Variants in DDX4 observed in about 807,000 individuals in gnomAD.
DDX4 encodes DEAD-box helicase 4.
Under a neutral mutation model 100.0 loss-of-function variants are expected in DDX4, and 25 were observed. The observed-to-expected ratio is 0.25, with a 90% confidence interval of 0.18 to 0.35. The LOEUF is 0.35. DDX4 is among the 10% of genes least tolerant of loss of function. The pLI, the probability that DDX4 is intolerant of heterozygous loss-of-function variation, is 1.00. For missense variants in DDX4, 635 were observed against 882.4 expected (o/e 0.72, Z 3.55); for synonymous variants, 259 against 275.7 (o/e 0.94, Z 0.60).
intron 3 of DDX4, among the ~76,000 whole-genome samples, chr5:55,751,126 A>G (rs1759525122): frequency 6.6e-6 from 1 of 152,252 alleles, no homozygotes; most frequent in Admixed American, 6.5e-5. Context: ...TTATACTCCC[A>G]TCATTAGGAT....
Position 55,767,902 on chromosome 5 carries a change from A to G in DDX4, c.356A>G (p.Asp119Gly), listed in dbSNP as rs781432280. 2 of 1,613,998 alleles carry G rather than the reference A, an allele frequency of 1.2e-6. No homozygotes were observed. Among genetic ancestry groups the G allele is most frequent in the African/African-American group, 1.3e-5 (1 of 75,068 alleles). Residue 119 changes from aspartate to glycine, a missense_variant, in exon 7 of 22, where the codon GAT becomes GGT. Transcript: ENST00000505374. ...FWRESSNDCE[D>G]NPTRNRGFSK... ...GAAGAGTCTAGTAATGACTGCGAAG[A>G]TAATCCAACACGGAACAGAGGGTTT... is the stretch of plus-strand genomic sequence containing the variant.
At chr5:55,789,802 A>G (rs3842913) in intron 15 of DDX4, among the ~76,000 whole-genome samples, 147,682 of 152,294 alleles carry the variant, frequency 0.97, 71,646 homozygotes, top group East Asian at 1. Flanking sequence ...GGCCAGCCTT[A>G]CCCACACTGA....
chr5:55,778,842 C>T (rs552270911), intron 7 of DDX4, among the ~76,000 whole-genome samples: 2 of 150,988 alleles, frequency 1.3e-5, no homozygotes, highest in African/African-American at 4.9e-5. Flanking sequence ...TGCAGTGAGC[C>T]GAGATGATGC....
At chr5:55,762,221 T>C (rs1003699802) in intron 4 of DDX4, among the ~76,000 whole-genome samples, 2 of 152,206 alleles carry the variant, frequency 1.3e-5, no homozygotes, top group Admixed American at 1.3e-4. Context: ...AATTTTTTTC[T>C]CAGTGATAGT....
chr5:55,815,769 CT>C (rs1744361646), intron 21 of DDX4, among the ~76,000 whole-genome samples: 1 of 131,622 alleles, frequency 7.6e-6, no homozygotes. Context: ...TTTTCTTTTT[CT>C]TTTCTTTTTT....
rs941096161 is a variant in DDX4 at position 55,774,206 on chromosome 5, C to T, written c.395-5758C>T. 3.3e-5 allele frequency among the ~76,000 whole-genome samples: 5 copies of T among 151,098 alleles called. No homozygotes were observed. The South Asian group carries it at 1.0e-3, about 32-fold the overall frequency. ...GCTCTGTCACCCAGACTCTGGGGTG[C>T]AGTGGCACAGTCATGGTTCATGACA... On this transcript the variant is annotated intron_variant, in intron 7 of 21. Coordinates refer to ENST00000505374, the MANE Select transcript of DDX4 (RefSeq NM_024415.3).
chr5:55,740,814 C>G (rs1758939074), intron 2 of DDX4, among the ~76,000 whole-genome samples: 2 of 152,104 alleles, frequency 1.3e-5, no homozygotes, highest in African/African-American at 4.8e-5. Flanking sequence ...GCCACCACAC[C>G]CAGCCATATA....
chr5:55,804,113 A>C (rs1345184808), intron 18 of DDX4, among the ~76,000 whole-genome samples: 1 of 151,970 alleles, frequency 6.6e-6, no homozygotes, highest in African/African-American at 2.4e-5. Flanking sequence ...GGCTGCATAA[A>C]TGTCTTCTTT....
intron 2 of DDX4, among the ~76,000 whole-genome samples, chr5:55,743,174 C>T (rs1328509554): frequency 6.6e-6 from 1 of 152,132 alleles, no homozygotes. Flanking sequence ...CAGCGCTGCC[C>T]TCCCTCTGGA....
rs1561488897 is a variant in DDX4, at chr5:55,764,069, G to T, written c.334+5G>T. ...ATAGCTCTGGTTTCTGGAGAGGTAA[G>T]GTTGATATTTTTGTGTTTTAAAATT... On this transcript the variant is annotated splice_donor_5th_base_variant and intron_variant, in intron 6 of 21. Coordinates refer to ENST00000505374, the MANE Select transcript of DDX4 (RefSeq NM_024415.3). The T allele has an allele frequency of 6.2e-7, 1 of 1,602,784 alleles. No individual in the cohort carries two copies. The highest frequency in any genetic ancestry group is 8.5e-7 in the Non-Finnish European group (1 of 1,170,246).
intron 17 of DDX4, among the ~76,000 whole-genome samples, chr5:55,794,183 C>CTTT (rs70995739): frequency 2.9e-5 from 4 of 136,198 alleles, no homozygotes; most frequent in Admixed American, 7.6e-5. Context: ...TATTTTCTTT[C>CTTT]TTTTTTTTTT....
chr5:55,800,980 T>C (rs1183654656), intron 18 of DDX4, among the ~76,000 whole-genome samples: 1 of 152,172 alleles, frequency 6.6e-6, no homozygotes, highest in African/African-American at 2.4e-5. Context: ...CAACTGCCTT[T>C]TTCATAATTT....
intron 10 of DDX4, chr5:55,782,237 A>C (rs3843460): frequency 0.32 from 123,454 of 387,524 alleles, 21,652 homozygotes; most frequent in Admixed American, 0.48. Context: ...TTTGGAAATA[A>C]ATGTACAAGG....
chr5:55,780,129 A>T (rs985297432), intron 8 of DDX4, 64 bp downstream of exon 8: 3 of 1,575,098 alleles, frequency 1.9e-6, no homozygotes, highest in Non-Finnish European at 2.6e-6. Context: ...ATTTAAAAAA[A>T]TACGTATCAA....
chr5:55,760,260 G>A lies in DDX4; in HGVS notation c.188G>A (p.Arg63Gln), dbSNP rs374755804. The A allele has an allele frequency of 4.5e-5, 71 of 1,568,654 alleles. 1 individual carries two copies. In the South Asian group the frequency reaches 6.0e-4, roughly 13 times the overall value. The change falls in exon 4 of 22, where the codon CGG becomes CAG. Residue 63 changes from arginine (R) to glutamine (Q), a missense_variant. Transcript: ENST00000505374. ...ATGAAAAGTGGATTTGCCTCTGGGC[G>A]GAATTTTGGAAACAGAGGTAAGCAT... ...HFMKSGFASG[R>Q]NFGNRDAGEC...
Position 55,785,355 on chromosome 5 carries a change from C to T in DDX4, c.673+11C>T, listed in dbSNP as rs751135942. On this transcript the variant is annotated intron_variant, in intron 11 of 21. Coordinates refer to ENST00000505374, the MANE Select transcript of DDX4 (RefSeq NM_024415.3). Reference sequence around the variant, plus strand: ...CAGGCTCTGGAAAGAGTAAGTTTTCCTTAAACAAGGTGTTTGATTTTTATA... The same window carrying T: ...CAGGCTCTGGAAAGAGTAAGTTTTCTTTAAACAAGGTGTTTGATTTTTATA... 6 of 1,602,938 alleles carry T rather than the reference C, an allele frequency of 3.7e-6. No homozygotes were observed. The highest frequency in any genetic ancestry group is 1.7e-4 in the Middle Eastern group (1 of 5,910).
At chr5:55,753,046 G>C (rs1759667814) in intron 3 of DDX4, among the ~76,000 whole-genome samples, 2 of 151,580 alleles carry the variant, frequency 1.3e-5, no homozygotes, top group African/African-American at 4.9e-5. Context: ...TTTTTTTCTT[G>C]TAAATTTGTT....
chr5:55,743,437 T>G (rs1759091484), intron 2 of DDX4, among the ~76,000 whole-genome samples: 1 of 152,166 alleles, frequency 6.6e-6, no homozygotes, highest in African/African-American at 2.4e-5. Flanking sequence ...TCTCTCTTTC[T>G]TTTCTTTTTT....
intron 18 of DDX4, among the ~76,000 whole-genome samples, chr5:55,811,459 A>G (rs539704655): frequency 6.6e-6 from 1 of 152,314 alleles, no homozygotes; most frequent in East Asian, 1.9e-4. Flanking sequence ...AATAAAGATT[A>G]TCTTGGTGTT....
Sources: allele counts gnomAD v4.1 joint callset (sites outside exome capture counted in the v4.1 genomes callset), GRCh38; gene constraint gnomAD v4.1.1; transcripts MANE v1.5; gene names NCBI Gene and HGNC (gene_info 2026-07-23, HGNC 2026-07-21).